The following GALNT13 variants were observed in gnomAD, a reference collection of about 807,000 sequenced individuals.
GALNT13 encodes the protein UDP-GalNAc:polypeptide N-acetylgalactosaminyltransferase 13.
A neutral mutation model predicts 64.2 loss-of-function variants in GALNT13; 28 were observed. The ratio of observed to expected loss-of-function variants is 0.44; its 90% CI spans 0.32 to 0.60. The LOEUF is 0.60. Ranked by LOEUF, GALNT13 falls within the 20% of genes least tolerant of loss-of-function variation. The pLI, the probability that GALNT13 is intolerant of heterozygous loss-of-function variation, is 0.05. For synonymous variants in GALNT13, 214 were observed against 224.6 expected (o/e 0.95, Z 0.42); for missense variants, 577 against 669.8 (o/e 0.86, Z 1.53).
the GALNT13 span, among the ~76,000 whole-genome samples, chr2:153,317,948 G>A: frequency 6.6e-6 from 1 of 151,698 alleles, no homozygotes; most frequent in Non-Finnish European, 1.5e-5. Flanking sequence ...TCAATCCCTG[G>A]TTGACAAATT....
the GALNT13 span, among the ~76,000 whole-genome samples, chr2:153,222,735 G>A: frequency 9.2e-5 from 14 of 152,310 alleles, no homozygotes; most frequent in South Asian, 4.2e-4. Context: ...AGCGCTGCCC[G>A]GAACTTGCGC....
At chr2:153,138,793 G>A in the GALNT13 span, among the ~76,000 whole-genome samples, 6 of 151,996 alleles carry the variant, frequency 3.9e-5, no homozygotes, top group African/African-American at 1.4e-4. Flanking sequence ...GCAATCTCTT[G>A]ACTACTGGCA....
At chr2:153,314,995 C>G in the GALNT13 span, among the ~76,000 whole-genome samples, 172 of 151,974 alleles carry the variant, frequency 1.1e-3, no homozygotes, top group African/African-American at 4.1e-3. Context: ...CTTCCTTTTA[C>G]TTAAAATATA....
chr2:153,077,076 C>T, the GALNT13 span, among the ~76,000 whole-genome samples: 2 of 152,034 alleles, frequency 1.3e-5, no homozygotes, highest in Non-Finnish European at 2.9e-5. Flanking sequence ...CTCAGCCTCC[C>T]GAGTAGCTGG....
the GALNT13 span, among the ~76,000 whole-genome samples, chr2:153,428,774 G>T: frequency 1.7e-4 from 26 of 152,174 alleles, no homozygotes; most frequent in Admixed American, 1.7e-3. Flanking sequence ...AAAAACTTCA[G>T]TGGGTCTGGG....
intron 4 of GALNT13, among the ~76,000 whole-genome samples, chr2:154,216,804 T>C (rs906296186): frequency 1.2e-4 from 7 of 60,498 alleles, no homozygotes; most frequent in South Asian, 7.1e-4. Flanking sequence ...CTCTCTCTCT[T>C]TTTTTTTTTT....
At chr2:154,128,108 A>T (rs1396474838) in intron 3 of GALNT13, among the ~76,000 whole-genome samples, 9 of 152,032 alleles carry the variant, frequency 5.9e-5, no homozygotes, top group Admixed American at 5.9e-4. Flanking sequence ...ATGTTTGACA[A>T]TGTTCTATAT....
the GALNT13 span, among the ~76,000 whole-genome samples, chr2:153,307,942 T>G: frequency 6.6e-6 from 1 of 152,168 alleles, no homozygotes; most frequent in Non-Finnish European, 1.5e-5. Context: ...TCATGCAAGA[T>G]GGTGCTGCAC....
the GALNT13 span, among the ~76,000 whole-genome samples, chr2:153,576,134 A>G: frequency 6.6e-6 from 1 of 151,632 alleles, no homozygotes; most frequent in Non-Finnish European, 1.5e-5. Context: ...CCAAGATGCA[A>G]GATAATGCCC....
the GALNT13 span, among the ~76,000 whole-genome samples, chr2:153,132,576 C>T: frequency 7.2e-5 from 11 of 152,094 alleles, no homozygotes; most frequent in South Asian, 6.2e-4. Flanking sequence ...ATGCTTGTTA[C>T]GTATGTCTAC....
chr2:154,036,976 A>G (rs1698696023), intron 3 of GALNT13, among the ~76,000 whole-genome samples: 1 of 152,206 alleles, frequency 6.6e-6, no homozygotes. Context: ...GAAAACAAAA[A>G]TAAAAGTGCC....
the GALNT13 span, among the ~76,000 whole-genome samples, chr2:153,780,324 G>GTTTTAAGCCTCCC: frequency 6.7e-6 from 1 of 149,210 alleles, no homozygotes; most frequent in African/African-American, 2.5e-5. Flanking sequence ...CTAAGCCTCC[G>GTTTTAAGCCTCCC]TTTAACCTAC....
intron 3 of GALNT13, among the ~76,000 whole-genome samples, chr2:154,011,429 G>C (rs1191183375): frequency 1.8e-4 from 28 of 152,290 alleles, no homozygotes; most frequent in Non-Finnish European, 2.9e-5. Context: ...TGTGGTCTGA[G>C]AGTGTGGTTG....
chr2:153,611,073 AATT>A, the GALNT13 span, among the ~76,000 whole-genome samples: 2 of 152,190 alleles, frequency 1.3e-5, no homozygotes, highest in African/African-American at 2.4e-5. Context: ...AGCAAAAAAG[AATT>A]ATTATTTGAC....
the GALNT13 span, among the ~76,000 whole-genome samples, chr2:153,175,242 T>G: frequency 3.9e-5 from 6 of 152,224 alleles, no homozygotes; most frequent in Non-Finnish European, 5.9e-5. Context: ...ACTCTTGGTC[T>G]TTCATTGTAT....
At chr2:154,454,012 A>G (rs575314015), downstream of GALNT13, among the ~76,000 whole-genome samples, 31 of 152,224 alleles carry the variant, frequency 2.0e-4, no homozygotes, top group African/African-American at 6.0e-4. Context: ...AATGGTTTTT[A>G]TTTTTTGGTT....
chr2:153,917,197 T>A lies in GALNT13; in HGVS notation c.-105+16190T>A, dbSNP rs549972574. Among the ~76,000 whole-genome samples, 19 of 152,242 alleles carry A rather than the reference T, an allele frequency of 1.2e-4. No individual in the cohort carries two copies. In the South Asian group the frequency reaches 3.9e-3, roughly 32 times the overall value. On this transcript the variant is annotated intron_variant, in intron 2 of 12. Transcript: ENST00000392825. ...CCTTGTCTCTGTTTGTGTCTGTGTG[T>A]ATGTATTTATTCATATTGCCATCAT...
downstream of GALNT13, among the ~76,000 whole-genome samples, chr2:154,456,549 A>T (rs707090): frequency 2.6e-5 from 4 of 152,012 alleles, no homozygotes; most frequent in African/African-American, 9.7e-5. Flanking sequence ...TTAAGTGCCT[A>T]TGAATATCTC....
chr2:154,207,614 G>A (rs1044350103), intron 4 of GALNT13, among the ~76,000 whole-genome samples: 1 of 152,188 alleles, frequency 6.6e-6, no homozygotes, highest in African/African-American at 2.4e-5. Flanking sequence ...ATAGTAATTT[G>A]TTAAGCACTC....
Sources: gnomAD v4.1 joint callset for allele counts (sites outside exome capture counted in the v4.1 genomes callset) on GRCh38, gnomAD v4.1.1 for gene constraint, MANE v1.5 for transcripts, NCBI Gene and HGNC (gene_info 2026-07-23, HGNC 2026-07-21) for gene names.